Variants in SDK1 observed in about 807,000 individuals in gnomAD.
SDK1 encodes protein sidekick-1.
SDK1 carries 157 observed loss-of-function variants against 245.5 expected under a neutral mutation model. The ratio of observed to expected loss-of-function variants is 0.64; its 90% CI spans 0.56 to 0.73. The LOEUF is 0.73. SDK1 is among the 30% of genes least tolerant of loss of function. The probability of loss-of-function intolerance (pLI) is 0.00; values close to 1 mark genes in which losing one functional copy is unlikely to be tolerated. For missense variants in SDK1, 3,583 were observed against 3,002.3 expected (o/e 1.19, Z -4.52); for synonymous variants, 1,647 against 1,278.5 (o/e 1.29, Z -6.15).
At chr7:4,220,639 C>T (rs1229348603) in intron 39 of SDK1, among the ~76,000 whole-genome samples, 1 of 151,666 alleles carries the variant, frequency 6.6e-6, no homozygotes, top group Non-Finnish European at 1.5e-5. Context: ...ACTTATCCAA[C>T]TGTTCTGCCC....
intron 1 of SDK1, among the ~76,000 whole-genome samples, chr7:3,541,708 C>G (rs1779057355): frequency 6.6e-6 from 1 of 152,148 alleles, no homozygotes; most frequent in Admixed American, 6.5e-5. Flanking sequence ...ATGTATCTGA[C>G]ATAGGGGAGC....
rs1303700956 is a variant in SDK1 at position 3,360,292 on chromosome 7, A to C, written c.298+58408A>C. Among the ~76,000 whole-genome samples the C allele has an allele frequency of 2.6e-5, 4 of 152,206 alleles. No homozygotes were observed. The South Asian group carries it at 6.2e-4, about 24-fold the overall frequency. ...ATAGACAATCTGTTGAATTATATGC[A>C]ATCTGTTGAATGAAGCTCTTAAGTT... On this transcript the variant is annotated intron_variant, in intron 1 of 44. Coordinates refer to ENST00000404826, the MANE Select transcript of SDK1 (RefSeq NM_152744.4).
chr7:3,335,200 C>G (rs1356892003), intron 1 of SDK1, among the ~76,000 whole-genome samples: 2 of 152,124 alleles, frequency 1.3e-5, no homozygotes, highest in Non-Finnish European at 2.9e-5. Flanking sequence ...TTCCACTGCT[C>G]ACTTAGATTA....
chr7:3,762,094 A>G (rs1780122166), intron 4 of SDK1, among the ~76,000 whole-genome samples: 1 of 152,364 alleles, frequency 6.6e-6, no homozygotes, highest in South Asian at 2.1e-4. Flanking sequence ...AAATGTTTAC[A>G]CTGAATGATT....
At chr7:3,736,253 T>C (rs1395651409) in intron 4 of SDK1, among the ~76,000 whole-genome samples, 1 of 152,182 alleles carries the variant, frequency 6.6e-6, no homozygotes, top group African/African-American at 2.4e-5. Context: ...GTTACTTCTT[T>C]TATTTTCTGT....
chr7:3,521,231 C>T (rs966440720), intron 1 of SDK1, among the ~76,000 whole-genome samples: 12 of 152,182 alleles, frequency 7.9e-5, no homozygotes, highest in Admixed American at 7.9e-4. Flanking sequence ...GAATCTTTTA[C>T]TTCCCTTCTG....
At chr7:3,628,922 G>C (rs955179651) in intron 2 of SDK1, among the ~76,000 whole-genome samples, 4 of 152,052 alleles carry the variant, frequency 2.6e-5, no homozygotes, top group African/African-American at 9.7e-5. Context: ...GAACCTAGAG[G>C]ACCTTCTGAG....
intron 1 of SDK1, among the ~76,000 whole-genome samples, chr7:3,329,460 T>C (rs1780014719): frequency 1.3e-5 from 2 of 152,192 alleles, no homozygotes; most frequent in Non-Finnish European, 2.9e-5. Context: ...TGTGCAACTC[T>C]CAGTAGTCAA....
intron 1 of SDK1, among the ~76,000 whole-genome samples, chr7:3,591,324 C>T (rs528711753): frequency 2.8e-4 from 42 of 152,314 alleles, no homozygotes; most frequent in South Asian, 1.0e-3. Flanking sequence ...TTAAACTGCT[C>T]TGAGCCTGCA....
At chr7:4,168,451 G>A (rs538345695) in intron 32 of SDK1, among the ~76,000 whole-genome samples, 2 of 152,134 alleles carry the variant, frequency 1.3e-5, no homozygotes, top group Admixed American at 6.5e-5. Context: ...AGTAATCTTC[G>A]GCCCCTTCCC....
intron 5 of SDK1, among the ~76,000 whole-genome samples, chr7:3,843,976 T>C (rs942520178): frequency 6.6e-6 from 1 of 152,196 alleles, no homozygotes; most frequent in African/African-American, 2.4e-5. Flanking sequence ...AGAAATCCTA[T>C]TTATTTATTT....
chr7:3,675,091 G>A (rs892106900), intron 4 of SDK1, among the ~76,000 whole-genome samples: 12 of 152,156 alleles, frequency 7.9e-5, no homozygotes, highest in Admixed American at 3.9e-4. Context: ...CCATCTCCAC[G>A]TGTGAATCTA....
intron 19 of SDK1, among the ~76,000 whole-genome samples, chr7:4,062,338 A>G (rs1779595180): frequency 6.6e-6 from 1 of 152,108 alleles, no homozygotes; most frequent in Non-Finnish European, 1.5e-5. Context: ...ACAACTATAC[A>G]CTAACAAATT....
rs570709387 is a variant in SDK1 at position 3,870,667 on chromosome 7, C to T, written c.847+49084C>T. On this transcript the variant is annotated intron_variant, in intron 5 of 44. Coordinates refer to ENST00000404826, the MANE Select transcript of SDK1 (RefSeq NM_152744.4). ...TTCCCATATACCCTTCTTTCAGTTT[C>T]CTGTAACATTAACTTTGTATATAAC... is the stretch of plus-strand genomic sequence containing the variant. Among the ~76,000 whole-genome samples the T allele has an allele frequency of 6.6e-5, 10 of 152,260 alleles. No individual in the cohort carries two copies. In the East Asian group the frequency reaches 1.7e-3, roughly 26 times the overall value.
At chr7:4,043,554 T>G (rs578132699) in intron 17 of SDK1, among the ~76,000 whole-genome samples, 1 of 152,196 alleles carries the variant, frequency 6.6e-6, no homozygotes, top group Non-Finnish European at 1.5e-5. Flanking sequence ...AATGCCTTGT[T>G]AAATGGGTGA....
At chr7:3,871,837 C>T (rs1162343504) in intron 5 of SDK1, among the ~76,000 whole-genome samples, 3 of 152,146 alleles carry the variant, frequency 2.0e-5, no homozygotes, top group Non-Finnish European at 4.4e-5. Flanking sequence ...GACAAATGTC[C>T]AGATTTTATC....
chr7:4,221,687 C>T (rs1785161933), intron 40 of SDK1, among the ~76,000 whole-genome samples: 1 of 152,160 alleles, frequency 6.6e-6, no homozygotes, highest in African/African-American at 2.4e-5. Flanking sequence ...CAAACTCATC[C>T]ATGAATGTTT....
intron 1 of SDK1, among the ~76,000 whole-genome samples, chr7:3,381,074 G>A (rs1246008895): frequency 6.6e-6 from 1 of 152,200 alleles, no homozygotes; most frequent in Admixed American, 6.5e-5. Flanking sequence ...GTGCTTAGAG[G>A]TGGTAATTGA....
At position 3,967,383 on chromosome 7, in the gene SDK1, C is replaced by G. The variant is rs1354291046; in HGVS notation, c.1495C>G (p.Leu499Val). Residue 499 changes from leucine (L) to valine (V), a missense_variant, in exon 10 of 45, where the codon CTA becomes GTA. Transcript: ENST00000404826. ...TTVTDGMTAI[L>V]RCEVSGAPKP... is the part of the protein sequence containing the mutation. Reference sequence around the variant, plus strand: ...AGTTACTGACGGGATGACAGCCATTCTAAGGTGTGAGGTGTCCGGGGCTCC... The same window carrying G: ...AGTTACTGACGGGATGACAGCCATTGTAAGGTGTGAGGTGTCCGGGGCTCC... The G allele has an allele frequency of 6.2e-7, 1 of 1,614,160 alleles. No individual in the cohort carries two copies. The highest frequency in any genetic ancestry group is 8.5e-7 in the Non-Finnish European group (1 of 1,180,012).
Sources: gnomAD v4.1 joint callset for allele counts (sites outside exome capture counted in the v4.1 genomes callset) on GRCh38, gnomAD v4.1.1 for gene constraint, MANE v1.5 for transcripts, NCBI Gene and HGNC (gene_info 2026-07-23, HGNC 2026-07-21) for gene names.